BBS1: variants seen among roughly 807,000 people sequenced by gnomAD.
The protein encoded by BBS1 is BBSome complex member BBS1.
A neutral mutation model predicts 73.9 loss-of-function variants in BBS1; 60 were observed. That is an observed-to-expected ratio of 0.81 (90% confidence interval 0.66 to 1.01). The LOEUF (loss-of-function observed/expected upper bound fraction) is 1.01, where lower values mean the gene tolerates loss of function less well. BBS1 is among the 50% of genes least tolerant of loss of function. The pLI is 0.00. For missense variants in BBS1, 718 were observed against 770.3 expected, an observed-to-expected ratio of 0.93 and a Z score of 0.80; for synonymous variants, 283 against 317.4, an observed-to-expected ratio of 0.89 and a Z score of 1.15.
intron 8 of BBS1, 153 bp from the exon 9 acceptor site, chr11:66,521,117 A>G (rs944741812): frequency 4.3e-6 from 3 of 701,802 alleles, no homozygotes; most frequent in African/African-American, 3.5e-5. Context: ...TGTTGCCCCA[A>G]GTTTCCCTCC....
chr11:66,529,301 G>T, intron 13 of BBS1: 1 of 1,535,854 alleles, frequency 6.5e-7, no homozygotes, highest in Non-Finnish European at 8.7e-7. Context: ...AGGCAGTGAC[G>T]GAGGCAGGAC....
chr11:66,514,230 A>T (rs1253435511), intron 3 of BBS1, among the ~76,000 whole-genome samples, 176 bp from the exon 4 acceptor site: 1 of 152,226 alleles, frequency 6.6e-6, no homozygotes, highest in East Asian at 1.9e-4. Context: ...CAAGCGGGAA[A>T]CCTGAGATTC....
At chr11:66,525,214 A>G (rs1304443585) in intron 11 of BBS1, among the ~76,000 whole-genome samples, 2 of 147,356 alleles carry the variant, frequency 1.4e-5, no homozygotes, top group East Asian at 4.1e-4. Context: ...AAAAAAAAAA[A>G]GCCGGGTGTG....
At position 66,527,458 on chromosome 11, in the gene BBS1, C is replaced by T. The variant is rs974016379; in HGVS notation, c.1339+651C>T. On this transcript the variant is annotated intron_variant, in intron 13 of 16. Coordinates refer to ENST00000318312, the MANE Select transcript of BBS1 (RefSeq NM_024649.5). ...GGCGGAGATGGGCAGATCATGAGGTCAGGAGTTCAAGACCAGCCTGGCCAA... is the reference window on the plus strand; with the variant it reads ...GGCGGAGATGGGCAGATCATGAGGTTAGGAGTTCAAGACCAGCCTGGCCAA... 9 of 232,994 alleles carry T rather than the reference C, an allele frequency of 3.9e-5. No individual in the cohort carries two copies. In the South Asian group the frequency reaches 5.3e-4, roughly 14 times the overall value. 14.4% of individuals were successfully genotyped at this position (232,994 alleles called of 1,614,324 possible). A position where few individuals can be genotyped will look rare whatever the true frequency, so the allele number is the denominator to read the frequency against.
In BBS1 at chr11:66,529,883, GC is replaced by G. The variant is rs748785824; in HGVS notation, c.1405del (p.Gln469ArgfsTer7). The G allele has an allele frequency of 6.2e-7, 1 of 1,609,526 alleles. No individual in the cohort carries two copies. Among genetic ancestry groups the G allele is most frequent in the Non-Finnish European group, 8.5e-7 (1 of 1,179,960 alleles). The stretch of plus-strand genomic sequence containing the variant: ...GCCTACGTGCTGCCCGCGCCTACCT[GC>G]AGGCCCTCGAGTCCAGCCTGAGCCC... ...LRLRAARAYLQALESSLSPLS... is the reference protein window; with the variant it reads ...LRLRAARAYLXALESSLSPLS... On this transcript the variant is annotated frameshift_variant, in exon 14 of 17. Coordinates refer to ENST00000318312, the MANE Select transcript of BBS1 (RefSeq NM_024649.5). LOFTEE classifies it high-confidence loss of function.
chr11:66,522,988 G>A (rs754851992), intron 9 of BBS1: 6 of 369,668 alleles, frequency 1.6e-5, no homozygotes, highest in South Asian at 6.1e-5. Flanking sequence ...TGTGCTCCTC[G>A]AATAGAGAGG....
In BBS1 at chr11:66,532,145, G is replaced by A. The variant is rs570234503; in HGVS notation, c.*108G>A. ...CAGCAGTGTGCTGGGGCGACAGCTC[G>A]TCTCCCCTCTCTTAAGCACCCGCTT... On this transcript the variant is annotated 3_prime_UTR_variant, in exon 17 of 17. Coordinates refer to ENST00000318312, the MANE Select transcript of BBS1 (RefSeq NM_024649.5). The A allele has an allele frequency of 9.0e-6, 11 of 1,215,570 alleles. No homozygotes were observed. Among genetic ancestry groups the A allele is most frequent in the Admixed American group, 4.4e-5 (2 of 45,696 alleles). 75.3% of individuals were successfully genotyped at this position (1,215,570 alleles called of 1,614,324 possible).
chr11:66,524,107 C>T (rs1018657874), intron 11 of BBS1: 3 of 592,516 alleles, frequency 5.1e-6, no homozygotes, highest in Non-Finnish European at 9.1e-6. Context: ...TGGCATAACC[C>T]CCTTGCTACT....
chr11:66,527,064 G>A (rs1048184250), intron 13 of BBS1: 81 of 1,509,986 alleles, frequency 5.4e-5, no homozygotes, highest in South Asian at 1.2e-4. Context: ...ACTTCCAAAC[G>A]CAGGAATTCT....
At chr11:66,521,717 C>G (rs1856226967) in intron 9 of BBS1, 2 of 335,476 alleles carry the variant, frequency 6.0e-6, no homozygotes, top group Non-Finnish European at 1.2e-5. Flanking sequence ...ACCAGCCTGG[C>G]CAACATGGTG....
At chr11:66,518,044 G>A (rs1430747773) in intron 7 of BBS1, among the ~76,000 whole-genome samples, 2 of 140,178 alleles carry the variant, frequency 1.4e-5, no homozygotes, top group African/African-American at 2.7e-5. Flanking sequence ...CGCAACCTCC[G>A]CCTCCTGGGT....
chr11:66,526,640 C>T lies in BBS1; in HGVS notation c.1181-9C>T. On this transcript the variant is annotated splice_polypyrimidine_tract_variant and intron_variant, in intron 12 of 16. Coordinates refer to ENST00000318312, the MANE Select transcript of BBS1 (RefSeq NM_024649.5). ...AGGACAAATCCATTTCCACTGTCCA[C>T]TTCCCTAGGTGGTGGCCTGATCATC... 1 of 1,614,226 alleles carries T rather than the reference C, an allele frequency of 6.2e-7. No homozygotes were observed. The highest frequency in any genetic ancestry group is 8.5e-7 in the Non-Finnish European group (1 of 1,180,038).
Position 66,515,694 on chromosome 11 carries a change from G to A in BBS1, c.481G>A (p.Glu161Lys). 6.2e-7 allele frequency: 1 copy of A among 1,614,248 alleles called. No homozygotes were observed. Among genetic ancestry groups the A allele is most frequent in the Non-Finnish European group, 8.5e-7 (1 of 1,180,042 alleles). Residue 161 changes from glutamate to lysine, a missense_variant and splice_region_variant, in exon 6 of 17, where the codon GAG (glutamate) becomes AAG (lysine). Coordinates refer to ENST00000318312, the MANE Select transcript of BBS1 (RefSeq NM_024649.5). ...CCATGCTGGCCCCTTTCCTTGCAGG[G>A]AGACGGCAGAGGAGCCTTTGTCCAT... ...TLKEMLESIR[E>K]TAEEPLSIQS...
rs745789744 is a variant in BBS1, at chr11:66,510,680, G to T, written c.21G>T (p.Ser7=). 1.7e-5 allele frequency: 28 copies of T among 1,614,186 alleles called. No individual in the cohort carries two copies. The highest frequency in any genetic ancestry group is 4.4e-5 in the South Asian group (4 of 91,078). ...CGAAGATGGCCGCTGCGTCCTCATC[G>T]GATTCCGACGCCTGCGGAGCTGAGA... MAAASS[S]DSDACGAESN... The change falls in exon 1 of 17, where the codon TCG becomes TCT. Residue 7 remains serine (S), a synonymous_variant. Coordinates refer to ENST00000318312, the MANE Select transcript of BBS1 (RefSeq NM_024649.5).
At chr11:66,524,043 GC>G in intron 11 of BBS1, 161 bp downstream of exon 11, 1 of 1,031,336 alleles carries the variant, frequency 9.7e-7, no homozygotes, top group South Asian at 1.4e-5. Context: ...ACTTTGGGAG[GC>G]CAAGGTGGGC....
intron 12 of BBS1, 31 bp from the exon 13 acceptor site, chr11:66,526,618 A>G (rs1191285574): frequency 6.2e-7 from 1 of 1,614,124 alleles, no homozygotes. Context: ...ACTGGGGAGG[A>G]CAAATCCATT....
Position 66,521,265 on chromosome 11 carries a change from T to A in BBS1, c.724-5T>A, listed in dbSNP as rs2134784385. ...AATTGGAGTGTTTGCGCTTCTTGTT[T>A]GCAGATGAGCCTTCCCAGCGTCCCC... is the stretch of plus-strand genomic sequence containing the variant. On this transcript the variant is annotated splice_polypyrimidine_tract_variant and splice_region_variant and intron_variant, in intron 8 of 16. Coordinates refer to ENST00000318312, the MANE Select transcript of BBS1 (RefSeq NM_024649.5). The A allele has an allele frequency of 6.2e-7, 1 of 1,613,004 alleles. No individual in the cohort carries two copies. Among genetic ancestry groups the A allele is most frequent in the Non-Finnish European group, 8.5e-7 (1 of 1,178,982 alleles).
chr11:66,524,456 A>AGC (rs1856397380), intron 11 of BBS1, among the ~76,000 whole-genome samples: 1 of 151,602 alleles, frequency 6.6e-6, no homozygotes, highest in South Asian at 2.1e-4. Flanking sequence ...AGTGCTAAAA[A>AGC]GCGCAGAGGG....
intron 13 of BBS1, among the ~76,000 whole-genome samples, chr11:66,528,645 A>G (rs1422497302): frequency 1.3e-5 from 2 of 152,134 alleles, no homozygotes; most frequent in Non-Finnish European, 2.9e-5. Flanking sequence ...AAAACACACA[A>G]TCAGGACAAC....
Sources: allele counts gnomAD v4.1 joint callset (sites outside exome capture counted in the v4.1 genomes callset), GRCh38; gene constraint gnomAD v4.1.1; transcripts MANE v1.5; gene names NCBI Gene and HGNC (gene_info 2026-07-23, HGNC 2026-07-21).